B3GALT1: variants seen among roughly 807,000 people sequenced by gnomAD.
The protein encoded by B3GALT1 is UDP-Gal:betaGlcNAc beta 1,3-galactosyltransferase, polypeptide 1.
Under a neutral mutation model 23.2 loss-of-function variants are expected in B3GALT1, and 10 were observed. The ratio of observed to expected loss-of-function variants is 0.43; its 90% CI spans 0.27 to 0.73. The LOEUF is 0.73. Ranked by LOEUF, B3GALT1 falls within the 30% of genes least tolerant of loss-of-function variation. B3GALT1 has a pLI of 0.21. For missense variants in B3GALT1, 299 were observed against 405.4 expected (o/e 0.74, Z 2.25); for synonymous variants, 156 against 141.5 (o/e 1.10, Z -0.73).
chr2:167,558,704 G>A (rs1334701716), intron 2 of B3GALT1, among the ~76,000 whole-genome samples: 1 of 152,190 alleles, frequency 6.6e-6, no homozygotes, highest in Non-Finnish European at 1.5e-5. Flanking sequence ...CTCGCTGATT[G>A]CTAGCACAGC....
chr2:167,841,844 C>A (rs1689658489), intron 4 of B3GALT1, among the ~76,000 whole-genome samples: 1 of 152,120 alleles, frequency 6.6e-6, no homozygotes, highest in South Asian at 2.1e-4. Context: ...ATAAGGTTAA[C>A]CATAGGAAAT....
chr2:167,617,216 C>A (rs1313098353), intron 2 of B3GALT1, among the ~76,000 whole-genome samples: 2 of 152,012 alleles, frequency 1.3e-5, no homozygotes, highest in Admixed American at 1.3e-4. Context: ...TCATCATCCA[C>A]ATTAAAGGCA....
chr2:167,837,290 G>C (rs377698704), intron 4 of B3GALT1, among the ~76,000 whole-genome samples: 2 of 151,602 alleles, frequency 1.3e-5, no homozygotes, highest in African/African-American at 4.8e-5. Context: ...CCCATCTCAC[G>C]TGCAGAGACA....
At chr2:167,513,166 G>A (rs1430515768) in intron 2 of B3GALT1, among the ~76,000 whole-genome samples, 3 of 149,714 alleles carry the variant, frequency 2.0e-5, no homozygotes, top group African/African-American at 7.3e-5. Context: ...AATGACACAT[G>A]AAGAAGTCAT....
chr2:167,447,100 G>A (rs1398088774), intron 1 of B3GALT1, among the ~76,000 whole-genome samples: 1 of 152,222 alleles, frequency 6.6e-6, no homozygotes, highest in Non-Finnish European at 1.5e-5. Context: ...ATCAGCTACA[G>A]GTCTGTTGGA....
chr2:167,512,121 A>G (rs1358892648), intron 2 of B3GALT1, among the ~76,000 whole-genome samples: 1 of 152,176 alleles, frequency 6.6e-6, no homozygotes, highest in Non-Finnish European at 1.5e-5. Flanking sequence ...CACACTTTGT[A>G]TCACAGTAAA....
chr2:167,303,222 T>C (rs924551569), intron 1 of B3GALT1, among the ~76,000 whole-genome samples: 9 of 152,188 alleles, frequency 5.9e-5, no homozygotes, highest in South Asian at 2.1e-4. Flanking sequence ...TTTGTAGTTA[T>C]TTTTTCCTTT....
At chr2:167,780,764 T>G (rs1688233225) in intron 3 of B3GALT1, among the ~76,000 whole-genome samples, 2 of 152,218 alleles carry the variant, frequency 1.3e-5, no homozygotes, top group Admixed American at 1.3e-4. Context: ...TAATGAAACT[T>G]GATTTCTGCT....
chr2:167,768,979 G>A (rs896168450), intron 3 of B3GALT1, among the ~76,000 whole-genome samples: 2 of 152,162 alleles, frequency 1.3e-5, no homozygotes, highest in African/African-American at 4.8e-5. Flanking sequence ...AGTCATCTTA[G>A]AAAAGTAATA....
chr2:167,637,144 A>C (rs1685569939), intron 2 of B3GALT1, among the ~76,000 whole-genome samples: 2 of 151,960 alleles, frequency 1.3e-5, no homozygotes, highest in African/African-American at 4.8e-5. Flanking sequence ...AAATTCAGAC[A>C]CCAACTCCTG....
rs1363134572 is a variant in B3GALT1 at position 167,338,822 on chromosome 2, G to A, written c.-511+45488G>A. On this transcript the variant is annotated intron_variant, in intron 1 of 4. Transcript: ENST00000392690. The stretch of plus-strand genomic sequence containing the variant: ...AAGTATAAAAGAAAAACCATGAAGA[G>A]GAAAGAGGTTTTGCAATACATTTAA... Among the ~76,000 whole-genome samples the A allele has an allele frequency of 2.0e-5, 3 of 151,504 alleles. No individual in the cohort carries two copies. In the South Asian group the frequency reaches 6.2e-4, roughly 32 times the overall value.
chr2:167,652,968 G>A (rs531073143), intron 3 of B3GALT1, among the ~76,000 whole-genome samples: 13 of 152,200 alleles, frequency 8.5e-5, no homozygotes, highest in African/African-American at 2.9e-4. Context: ...GTACATACGT[G>A]TGTGTCTTGT....
chr2:167,819,930 T>G lies in B3GALT1; in HGVS notation c.-230+1137T>G, dbSNP rs114636147. ...CGCTTACTGACAGCATTGGAAGGAA[T>G]GTGCAGTTTGTTTCAGCCCCTGACA... is the stretch of plus-strand genomic sequence containing the variant. On this transcript the variant is annotated intron_variant, in intron 4 of 4. Coordinates refer to ENST00000392690, the MANE Select transcript of B3GALT1 (RefSeq NM_020981.4). 1.8e-3 allele frequency among the ~76,000 whole-genome samples: 274 copies of G among 152,330 alleles called. 1 individual carries two copies. The highest frequency in any genetic ancestry group is 6.3e-3 in the African/African-American group (262 of 41,586).
chr2:167,707,954 A>G (rs1237461169), intron 3 of B3GALT1, among the ~76,000 whole-genome samples: 1 of 152,222 alleles, frequency 6.6e-6, no homozygotes, highest in South Asian at 2.1e-4. Flanking sequence ...TTCAAACATC[A>G]TGCATAGTGT....
intron 1 of B3GALT1, among the ~76,000 whole-genome samples, chr2:167,446,749 A>C (rs1446934607): frequency 6.6e-6 from 1 of 152,130 alleles, no homozygotes; most frequent in African/African-American, 2.4e-5. Flanking sequence ...TGGTTATTCT[A>C]GTTAGCCATT....
Position 167,490,210 on chromosome 2 carries a change from C to T in B3GALT1, c.-477C>T, listed in dbSNP as rs1276950434. On this transcript the variant is annotated 5_prime_UTR_variant, in exon 2 of 5. Coordinates refer to ENST00000392690, the MANE Select transcript of B3GALT1 (RefSeq NM_020981.4). Reference sequence around the variant, plus strand: ...GAAACGCTTCAAGAGCTGCTCAGTCCAGGAGTGGAGGGATTTTGTGAAGAC... The same window carrying T: ...GAAACGCTTCAAGAGCTGCTCAGTCTAGGAGTGGAGGGATTTTGTGAAGAC... The T allele has an allele frequency of 2.6e-5, 4 of 152,092 alleles. No individual in the cohort carries two copies. Among genetic ancestry groups the T allele is most frequent in the Admixed American group, 2.0e-4 (3 of 15,272 alleles). 9.4% of individuals were successfully genotyped at this position (152,092 alleles called of 1,614,324 possible).
intron 2 of B3GALT1, among the ~76,000 whole-genome samples, chr2:167,584,173 G>C (rs765569972): frequency 6.6e-6 from 1 of 152,140 alleles, no homozygotes; most frequent in African/African-American, 2.4e-5. Context: ...CTGAGAGGCT[G>C]AGTAGAATAT....
intron 3 of B3GALT1, among the ~76,000 whole-genome samples, chr2:167,663,023 T>C (rs1281103723): frequency 6.6e-6 from 1 of 151,998 alleles, no homozygotes; most frequent in Non-Finnish European, 1.5e-5. Context: ...GTTAGTTACA[T>C]ATGTATACAT....
chr2:167,659,522 A>G (rs557715089), intron 3 of B3GALT1, among the ~76,000 whole-genome samples: 1 of 152,226 alleles, frequency 6.6e-6, no homozygotes, highest in Non-Finnish European at 1.5e-5. Flanking sequence ...CCTCAGTCAC[A>G]TACATTGTAC....
Sources: allele counts gnomAD v4.1 joint callset (sites outside exome capture counted in the v4.1 genomes callset), GRCh38; gene constraint gnomAD v4.1.1; transcripts MANE v1.5; gene names NCBI Gene and HGNC (gene_info 2026-07-23, HGNC 2026-07-21).